Variants in MED13L observed in about 807,000 individuals in gnomAD.
The protein encoded by MED13L is mediator of RNA polymerase II transcription subunit 13-like.
MED13L carries 7 observed loss-of-function variants against 220.9 expected under a neutral mutation model. That is an observed-to-expected ratio of 0.03 (90% CI 0.02 to 0.06). The LOEUF is 0.06. Ranked by LOEUF, MED13L falls within the 10% of genes least tolerant of loss-of-function variation. The pLI is 1.00. For synonymous variants in MED13L, 1,011 were observed against 1,015.2 expected, an observed-to-expected ratio of 1.00 and a Z score of 0.08; for missense variants, 1,965 against 2,760.5, an observed-to-expected ratio of 0.71 and a Z score of 6.46.
intron 2 of MED13L, among the ~76,000 whole-genome samples, chr12:116,165,631 G>A (rs2138157774): frequency 6.6e-6 from 1 of 152,098 alleles, no homozygotes; most frequent in Middle Eastern, 3.4e-3. Context: ...CACCTGGCCT[G>A]CCTATGTCCA....
intron 11 of MED13L, chr12:116,007,077 A>T: frequency 1.7e-5 from 6 of 346,946 alleles, no homozygotes; most frequent in Non-Finnish European, 2.2e-5. Flanking sequence ...TTTTTCCTTT[A>T]CATTTTGGGT....
At chr12:116,270,698 G>C (rs921290459) in intron 1 of MED13L, among the ~76,000 whole-genome samples, 2 of 151,904 alleles carry the variant, frequency 1.3e-5, no homozygotes, top group African/African-American at 4.8e-5. Context: ...ACAGAACAAA[G>C]CTAACACCTT....
intron 19 of MED13L, among the ~76,000 whole-genome samples, chr12:115,985,590 CTT>C (rs1361099512): frequency 6.6e-6 from 1 of 152,162 alleles, no homozygotes; most frequent in Admixed American, 6.5e-5. Flanking sequence ...ATACAAAGAA[CTT>C]AGTGCATATA....
intron 16 of MED13L, among the ~76,000 whole-genome samples, chr12:115,993,999 C>T (rs61936944): frequency 0.073 from 11,173 of 152,234 alleles, 454 homozygotes; most frequent in Middle Eastern, 0.11. Context: ...ATGCTGGAAA[C>T]ATACTGTCCA....
intron 2 of MED13L, among the ~76,000 whole-genome samples, chr12:116,118,248 G>A (rs1011595500): frequency 1.4e-4 from 21 of 152,160 alleles, no homozygotes; most frequent in African/African-American, 4.8e-4. Flanking sequence ...AAATAGGAAA[G>A]TAGTAATACA....
At chr12:116,276,306 TTTTGTGTGTGTG>T in intron 1 of MED13L, 1 of 304,398 alleles carries the variant, frequency 3.3e-6, no homozygotes, top group Admixed American at 7.0e-5. Context: ...AGCTTGTTGC[TTTTGTGTGTGTG>T]TGTGTGTGTG....
intron 29 of MED13L, 93 bp downstream of exon 29, chr12:115,965,989 T>C: frequency 2.1e-6 from 3 of 1,438,362 alleles, no homozygotes; most frequent in South Asian, 2.3e-5. Context: ...CAGAATAAGA[T>C]TATGGTGACT....
At position 116,237,462 on chromosome 12, in the gene MED13L, C is replaced by T; in HGVS notation, c.310+6G>A. On this transcript the variant is annotated splice_donor_region_variant and intron_variant, in intron 2 of 30. Transcript: ENST00000281928. ...ATAATTTTTAAGAAAAAAACAGAAA[C>T]CTTACCCTGCAGTTCATGATGTATT... The T allele has an allele frequency of 1.3e-6, 2 of 1,592,570 alleles. No individual in the cohort carries two copies. The highest frequency in any genetic ancestry group is 2.2e-5 in the East Asian group (1 of 44,782).
At chr12:116,034,922 T>C (rs1465200376) in intron 4 of MED13L, among the ~76,000 whole-genome samples, 1 of 152,116 alleles carries the variant, frequency 6.6e-6, no homozygotes, top group Non-Finnish European at 1.5e-5. Context: ...GAAGAATCAC[T>C]TGAACCTGGG....
intron 4 of MED13L, among the ~76,000 whole-genome samples, chr12:116,064,679 G>C (rs1271316226): frequency 1.3e-5 from 2 of 152,224 alleles, no homozygotes; most frequent in Admixed American, 6.5e-5. Flanking sequence ...AAGGAAGACT[G>C]CTTAAACACA....
In MED13L at chr12:116,277,607, T is replaced by C. The variant is rs1873994035; in HGVS notation, c.-476A>G. On this transcript the variant is annotated 5_prime_UTR_variant, in exon 1 of 31. Coordinates refer to ENST00000281928, the MANE Select transcript of MED13L (RefSeq NM_015335.5). ...ACCCCGGCAGCCGAGCGACGTCCCC[T>C]CCTTCCTCTTCCTCCCCCACCCCCC... Among the ~76,000 whole-genome samples, 2 of 148,600 alleles carry C rather than the reference T, an allele frequency of 1.3e-5. No individual in the cohort carries two copies. The highest frequency in any genetic ancestry group is 4.9e-5 in the African/African-American group (2 of 40,806).
At chr12:116,235,343 AAC>A (rs1409341961) in intron 2 of MED13L, among the ~76,000 whole-genome samples, 1 of 152,204 alleles carries the variant, frequency 6.6e-6, no homozygotes, top group Non-Finnish European at 1.5e-5. Context: ...ACAAAATATA[AAC>A]AGTTTATACC....
chr12:116,082,685 A>G (rs1871314264), intron 4 of MED13L: 1 of 151,840 alleles, frequency 6.6e-6, no homozygotes, highest in Non-Finnish European at 1.5e-5. Flanking sequence ...TTAAAATTAT[A>G]AAAAGAAAAA....
At chr12:116,241,516 G>A (rs548522451) in intron 1 of MED13L, among the ~76,000 whole-genome samples, 15 of 151,996 alleles carry the variant, frequency 9.9e-5, no homozygotes, top group Non-Finnish European at 2.1e-4. Flanking sequence ...TGTAATATCC[G>A]GCAGTAGAGC....
intron 1 of MED13L, among the ~76,000 whole-genome samples, chr12:116,246,115 C>T (rs1322061601): frequency 1.3e-5 from 2 of 151,522 alleles, no homozygotes; most frequent in Non-Finnish European, 2.9e-5. Flanking sequence ...CTCCAAAATG[C>T]TAAAGAATTA....
intron 2 of MED13L, among the ~76,000 whole-genome samples, chr12:116,195,338 G>A (rs1317677602): frequency 6.6e-6 from 1 of 151,884 alleles, no homozygotes; most frequent in African/African-American, 2.4e-5. Context: ...GGGAGTGGGG[G>A]GACTTCCCAG....
Position 116,195,141 on chromosome 12 carries a change from GA to G in MED13L, c.310+42326del, listed in dbSNP as rs548908794. Among the ~76,000 whole-genome samples, 7 of 152,252 alleles carry G rather than the reference GA, an allele frequency of 4.6e-5. No homozygotes were observed. The East Asian group carries it at 1.4e-3, about 29-fold the overall frequency. Reference sequence around the variant, plus strand: ...GTCTTCTCAGAAACTGAGTGCCTAGGAAAGTGAGAATACTAGGGCTTCAGCC... The same window carrying G: ...GTCTTCTCAGAAACTGAGTGCCTAGGAAGTGAGAATACTAGGGCTTCAGCC... On this transcript the variant is annotated intron_variant, in intron 2 of 30. Coordinates refer to ENST00000281928, the MANE Select transcript of MED13L (RefSeq NM_015335.5).
chr12:115,971,706 G>A (rs1325432706), intron 26 of MED13L, among the ~76,000 whole-genome samples: 1 of 152,146 alleles, frequency 6.6e-6, no homozygotes, highest in African/African-American at 2.4e-5. Flanking sequence ...GAGAGATTCT[G>A]CCAAATGCAT....
intron 16 of MED13L, 45 bp from the exon 17 acceptor site, chr12:115,992,002 AG>A: frequency 6.6e-7 from 1 of 1,519,684 alleles, no homozygotes; most frequent in Middle Eastern, 1.7e-4. Flanking sequence ...AGCATGTCAC[AG>A]ATGCTGAACT....
Sources: allele counts gnomAD v4.1 joint callset (sites outside exome capture counted in the v4.1 genomes callset), GRCh38; gene constraint gnomAD v4.1.1; transcripts MANE v1.5; gene names NCBI Gene and HGNC (gene_info 2026-07-23, HGNC 2026-07-21).